IL15RA: variants seen among roughly 807,000 people sequenced by gnomAD.
The protein encoded by IL15RA is interleukin-15 receptor subunit alpha.
IL15RA carries 26 observed loss-of-function variants against 24.2 expected under a neutral mutation model. The observed-to-expected ratio is 1.07, with a 90% CI of 0.79 to 1.49. The LOEUF is 1.49. IL15RA is among the 40% of genes most tolerant of loss of function. The probability of loss-of-function intolerance (pLI) is 0.00; values close to 1 mark genes in which losing one functional copy is unlikely to be tolerated. For synonymous variants in IL15RA, 166 were observed against 157.6 expected, an observed-to-expected ratio of 1.05 and a Z score of -0.40; for missense variants, 354 against 356.4, an observed-to-expected ratio of 0.99 and a Z score of 0.05.
chr10:5,963,373 A>T lies in IL15RA; in HGVS notation c.382+370T>A, dbSNP rs978768634. ...AGCTCCCGCTGCCTGCTGGCCTCCC[A>T]TCCTGGAGTGCCCTCTTTTCTGCCA... On this transcript the variant is annotated intron_variant, in intron 3 of 6. Coordinates refer to ENST00000379977, the MANE Select transcript of IL15RA (RefSeq NM_002189.4). The surrounding 1 kb of genome is among the most constrained non-coding windows in gnomAD (Gnocchi z 5.3). Among the ~76,000 whole-genome samples the T allele has an allele frequency of 2.6e-5, 4 of 152,122 alleles. No individual in the cohort carries two copies. Among genetic ancestry groups the T allele is most frequent in the African/African-American group, 9.7e-5 (4 of 41,434 alleles).
Position 5,975,624 on chromosome 10 carries a change from C to T in IL15RA, c.88+1781G>A, listed in dbSNP as rs1007633196. Among the ~76,000 whole-genome samples, 3 of 152,114 alleles carry T rather than the reference C, an allele frequency of 2.0e-5. No individual in the cohort carries two copies. Among genetic ancestry groups the T allele is most frequent in the Admixed American group, 1.3e-4 (2 of 15,272 alleles). On this transcript the variant is annotated intron_variant, in intron 1 of 6. Coordinates refer to ENST00000379977, the MANE Select transcript of IL15RA (RefSeq NM_002189.4). This position sits in a 1 kb window ranked among gnomAD's most constrained non-coding sequence, Gnocchi z 4.8. ...AACAACGGCTGGGCAAGCTGGCTCA[C>T]GCCTGTAATCCCAGCACTTTGGAAG...
chr10:5,955,223 C>A lies in IL15RA; in HGVS notation c.692+1156G>T, dbSNP rs1374072785. Among the ~76,000 whole-genome samples, 1 of 151,968 alleles carries A rather than the reference C, an allele frequency of 6.6e-6. No individual in the cohort carries two copies. On this transcript the variant is annotated intron_variant, in intron 6 of 6. Transcript: ENST00000379977. This position sits in a 1 kb window ranked among gnomAD's most constrained non-coding sequence, Gnocchi z 5.3. ...CAAGCAATTCTCCTGTCTCAGCCTC[C>A]CTAGTAGCTGGCATTACAGGCATGC...
In IL15RA at chr10:5,964,103, T is replaced by TC. The variant is rs1324291264; in HGVS notation, c.284-263dup. Among the ~76,000 whole-genome samples the TC allele has an allele frequency of 2.0e-5, 3 of 152,254 alleles. No homozygotes were observed. Among genetic ancestry groups the TC allele is most frequent in the African/African-American group, 7.2e-5 (3 of 41,466 alleles). The stretch of plus-strand genomic sequence containing the variant: ...TTTGGCTGAGATTATATTAATGATA[T>TC]CAATTCAATTTTATAATGCTGGTTA... On this transcript the variant is annotated intron_variant, in intron 2 of 6. Coordinates refer to ENST00000379977, the MANE Select transcript of IL15RA (RefSeq NM_002189.4). This position sits in a 1 kb window ranked among gnomAD's most constrained non-coding sequence, Gnocchi z 5.6.
At chr10:5,978,662 A>G (rs1352954857), upstream of IL15RA, among the ~76,000 whole-genome samples, 1 of 152,220 alleles carries the variant, frequency 6.6e-6, no homozygotes, top group Non-Finnish European at 1.5e-5. This position sits in a 1 kb window ranked among gnomAD's most constrained non-coding sequence, Gnocchi z 5.2. Flanking sequence ...TTCGGAGGCC[A>G]AGGCAGGTGG....
rs1837032497 is a variant in IL15RA at position 5,968,694 on chromosome 10, C to T, written c.89-2355G>A. Reference sequence around the variant, plus strand: ...TGCTCCACACTGATCTTCTGTCCTTCTCTACCTGCCTAAACCACAGAGTGT... The same window carrying T: ...TGCTCCACACTGATCTTCTGTCCTTTTCTACCTGCCTAAACCACAGAGTGT... On this transcript the variant is annotated intron_variant, in intron 1 of 6. Coordinates refer to ENST00000379977, the MANE Select transcript of IL15RA (RefSeq NM_002189.4). The surrounding 1 kb of genome is among the most constrained non-coding windows in gnomAD (Gnocchi z 5.4). The T allele has an allele frequency of 1.4e-6, 1 of 691,210 alleles. No individual in the cohort carries two copies. The highest frequency in any genetic ancestry group is 2.0e-5 in the Admixed American group (1 of 49,630). The allele number at this position is 691,210 out of a possible 1,614,324, so 42.8% of individuals were successfully genotyped here.
rs1471344856 is a variant in IL15RA, at chr10:5,973,214, G to A, written c.88+4191C>T. On this transcript the variant is annotated intron_variant, in intron 1 of 6. Transcript: ENST00000379977. The surrounding 1 kb of genome is among the most constrained non-coding windows in gnomAD (Gnocchi z 4.5). ...GACTGGCAACAACTTGTTGTGCATA[G>A]TAGCACAAGAAGGAGACTTTGCACC... Among the ~76,000 whole-genome samples, 3 of 152,202 alleles carry A rather than the reference G, an allele frequency of 2.0e-5. No individual in the cohort carries two copies. The highest frequency in any genetic ancestry group is 2.0e-4 in the Admixed American group (3 of 15,280).
Position 5,958,798 on chromosome 10 carries a change from G to A in IL15RA, c.616+956C>T, listed in dbSNP as rs918726006. Among the ~76,000 whole-genome samples, 2 of 152,172 alleles carry A rather than the reference G, an allele frequency of 1.3e-5. No individual in the cohort carries two copies. Among genetic ancestry groups the A allele is most frequent in the Non-Finnish European group, 1.5e-5 (1 of 68,034 alleles). On this transcript the variant is annotated intron_variant, in intron 5 of 6. Coordinates refer to ENST00000379977, the MANE Select transcript of IL15RA (RefSeq NM_002189.4). This position sits in a 1 kb window ranked among gnomAD's most constrained non-coding sequence, Gnocchi z 4.3. ...TAAAAATGACACCACAAAAATATGA[G>A]TCATTCTCTAGCAGAAAAATTTATG... is the stretch of plus-strand genomic sequence containing the variant.
Position 5,953,368 on chromosome 10 carries a change from T to G in IL15RA, c.693-162A>C. 1.4e-6 allele frequency: 1 copy of G among 717,696 alleles called. No homozygotes were observed. Among genetic ancestry groups the G allele is most frequent in the Non-Finnish European group, 2.6e-6 (1 of 387,178 alleles). 44.5% of individuals were successfully genotyped at this position (717,696 alleles called of 1,614,324 possible). A position where few individuals can be genotyped will look rare whatever the true frequency, so the allele number is the denominator to read the frequency against. On this transcript the variant is annotated intron_variant, in intron 6 of 6. Transcript: ENST00000379977. The surrounding 1 kb of genome is among the most constrained non-coding windows in gnomAD (Gnocchi z 5.3). ...ACAGAGAGCACTTAGTCCTCAGAGA[T>G]GGAGAGAACCTAGAATGCCTACCTC...
Position 5,960,643 on chromosome 10 carries a change from G to A in IL15RA, c.383-76C>T. The A allele has an allele frequency of 1.6e-6, 2 of 1,285,046 alleles. No homozygotes were observed. The highest frequency in any genetic ancestry group is 2.5e-5 in the South Asian group (2 of 79,584). The allele number at this position is 1,285,046 out of a possible 1,614,324, so 79.6% of individuals were successfully genotyped here. A position where few individuals can be genotyped will look rare whatever the true frequency, so the allele number is the denominator to read the frequency against. On this transcript the variant is annotated intron_variant, in intron 3 of 6. Transcript: ENST00000379977. The surrounding 1 kb of genome is among the most constrained non-coding windows in gnomAD (Gnocchi z 5.1). ...TCTCAGCTGCAGCACGGGGTGATGT[G>A]GGAGCTGCCATAGTGAGTCACCCTG... is the stretch of plus-strand genomic sequence containing the variant.
downstream of IL15RA, among the ~76,000 whole-genome samples, chr10:5,951,788 G>A (rs888459587): frequency 8.5e-5 from 13 of 152,150 alleles, no homozygotes; most frequent in African/African-American, 2.9e-4. Context: ...TCTCGCCATT[G>A]CACTCCAGCC....
Position 5,964,227 on chromosome 10 carries a change from C to T in IL15RA, c.284-386G>A, listed in dbSNP as rs1177941177. Among the ~76,000 whole-genome samples, 2 of 152,108 alleles carry T rather than the reference C, an allele frequency of 1.3e-5. No homozygotes were observed. The highest frequency in any genetic ancestry group is 2.4e-5 in the African/African-American group (1 of 41,416). ...AGGTTGGAGTGCAGTAGTGTGATCA[C>T]AACTCACTGCAGCCTTGACCTCCCG... On this transcript the variant is annotated intron_variant, in intron 2 of 6. Coordinates refer to ENST00000379977, the MANE Select transcript of IL15RA (RefSeq NM_002189.4). This position sits in a 1 kb window ranked among gnomAD's most constrained non-coding sequence, Gnocchi z 5.6.
chr10:5,973,853 T>A lies in IL15RA; in HGVS notation c.88+3552A>T, dbSNP rs1179602894. ...CATAAAAATTAAAAACTTCTGCTTTTCAAAAGACACTGCTAAGAGAAAGGA... is the reference window on the plus strand; with the variant it reads ...CATAAAAATTAAAAACTTCTGCTTTACAAAAGACACTGCTAAGAGAAAGGA... On this transcript the variant is annotated intron_variant, in intron 1 of 6. Coordinates refer to ENST00000379977, the MANE Select transcript of IL15RA (RefSeq NM_002189.4). This position sits in a 1 kb window ranked among gnomAD's most constrained non-coding sequence, Gnocchi z 4.5. Among the ~76,000 whole-genome samples the A allele has an allele frequency of 6.6e-6, 1 of 152,190 alleles. No individual in the cohort carries two copies. The highest frequency in any genetic ancestry group is 2.4e-5 in the African/African-American group (1 of 41,438).
At position 5,971,162 on chromosome 10, in the gene IL15RA, C is replaced by T. The variant is rs2132643239; in HGVS notation, c.89-4823G>A. On this transcript the variant is annotated intron_variant, in intron 1 of 6. Coordinates refer to ENST00000379977, the MANE Select transcript of IL15RA (RefSeq NM_002189.4). The surrounding 1 kb of genome is among the most constrained non-coding windows in gnomAD (Gnocchi z 5.5). ...ACCTTGTTTACAATATTATAAGCTC[C>T]TTGCAGATGGTATGTATATTTCACA... 6.6e-6 allele frequency among the ~76,000 whole-genome samples: 1 copy of T among 152,246 alleles called. No homozygotes were observed. Among genetic ancestry groups the T allele is most frequent in the Middle Eastern group, 3.4e-3 (1 of 294 alleles).
At chr10:5,977,597 T>A, upstream of IL15RA, 6 of 1,256,194 alleles carry the variant, frequency 4.8e-6, no homozygotes, top group African/African-American at 1.5e-5. Context: ...GCCAGTCGCA[T>A]TCGCTTTCGC....
chr10:5,961,301 G>A lies in IL15RA; in HGVS notation c.383-734C>T, dbSNP rs1835471925. 6.6e-6 allele frequency among the ~76,000 whole-genome samples: 1 copy of A among 152,182 alleles called. No individual in the cohort carries two copies. Among genetic ancestry groups the A allele is most frequent in the African/African-American group, 2.4e-5 (1 of 41,442 alleles). On this transcript the variant is annotated intron_variant, in intron 3 of 6. Coordinates refer to ENST00000379977, the MANE Select transcript of IL15RA (RefSeq NM_002189.4). This position sits in a 1 kb window ranked among gnomAD's most constrained non-coding sequence, Gnocchi z 5.2. ...TGCCTATAGTTCCAGCTATCTGAGA[G>A]GCTGAGGCAAGAGAATCACCTTAGC...
At chr10:5,948,982 CAAGG>C (rs1391057790), downstream of IL15RA, 27 of 294,982 alleles carry the variant, frequency 9.2e-5, no homozygotes, top group East Asian at 2.1e-3. Flanking sequence ...ATATAACAGA[CAAGG>C]AAGTATAAAT....
Position 5,963,231 on chromosome 10 carries a change from G to C in IL15RA, c.382+512C>G, listed in dbSNP as rs553570133. Among the ~76,000 whole-genome samples the C allele has an allele frequency of 6.6e-6, 1 of 152,180 alleles. No homozygotes were observed. The highest frequency in any genetic ancestry group is 2.4e-5 in the African/African-American group (1 of 41,450). ...GCCCATGACAAAACGCTTGGGTCTC[G>C]GAAGCCCAGGCTTCCTCTCCCACAG... On this transcript the variant is annotated intron_variant, in intron 3 of 6. Coordinates refer to ENST00000379977, the MANE Select transcript of IL15RA (RefSeq NM_002189.4). This position sits in a 1 kb window ranked among gnomAD's most constrained non-coding sequence, Gnocchi z 5.3.
chr10:5,964,985 T>A lies in IL15RA; in HGVS notation c.284-1144A>T, dbSNP rs1407765335. 1.3e-5 allele frequency among the ~76,000 whole-genome samples: 2 copies of A among 152,286 alleles called. No individual in the cohort carries two copies. Among genetic ancestry groups the A allele is most frequent in the East Asian group, 3.9e-4 (2 of 5,182 alleles). On this transcript the variant is annotated intron_variant, in intron 2 of 6. Transcript: ENST00000379977. This position sits in a 1 kb window ranked among gnomAD's most constrained non-coding sequence, Gnocchi z 5.6. The stretch of plus-strand genomic sequence containing the variant: ...TCTGTTCTGGGGGAGGAGGCTGAGC[T>A]ACCACTACCAAGCCAGTGGCAATGT...
In IL15RA at chr10:5,959,249, C is replaced by T. The variant is rs1311786504; in HGVS notation, c.616+505G>A. On this transcript the variant is annotated intron_variant, in intron 5 of 6. Transcript: ENST00000379977. The surrounding 1 kb of genome is among the most constrained non-coding windows in gnomAD (Gnocchi z 4.1). Reference sequence around the variant, plus strand: ...TCAAATTCTGGCCTCAAGCAATCCTCCCATTTCGGCCTCCCAAACTGCTGG... The same window carrying T: ...TCAAATTCTGGCCTCAAGCAATCCTTCCATTTCGGCCTCCCAAACTGCTGG... Among the ~76,000 whole-genome samples, 1 of 151,314 alleles carries T rather than the reference C, an allele frequency of 6.6e-6. No homozygotes were observed. Among genetic ancestry groups the T allele is most frequent in the Non-Finnish European group, 1.5e-5 (1 of 67,860 alleles).
Sources: gnomAD v4.1 joint callset for allele counts (sites outside exome capture counted in the v4.1 genomes callset) on GRCh38, gnomAD v4.1.1 for gene constraint, Gnocchi (gnomAD v3.1) non-coding constraint, MANE v1.5 for transcripts, NCBI Gene and HGNC (gene_info 2026-07-23, HGNC 2026-07-21) for gene names.